SP140: variants seen among roughly 807,000 people sequenced by gnomAD.
SP140 encodes nuclear body protein SP140.
Under a neutral mutation model 125.0 loss-of-function variants are expected in SP140, and 81 were observed. The observed-to-expected ratio is 0.65, with a 90% CI of 0.54 to 0.78. The LOEUF is 0.78. Ranked by LOEUF, SP140 falls within the 30% of genes least tolerant of loss-of-function variation. SP140 has a pLI of 0.00. For synonymous variants in SP140, 312 were observed against 354.0 expected, an observed-to-expected ratio of 0.88 and a Z score of 1.33; for missense variants, 858 against 1,037.0, an observed-to-expected ratio of 0.83 and a Z score of 2.37.
At chr2:230,195,566 G>A in the SP140 span, among the ~76,000 whole-genome samples, 2 of 152,138 alleles carry the variant, frequency 1.3e-5, no homozygotes, top group African/African-American at 2.4e-5. Context: ...CTGGACTCAA[G>A]TGAACCTCCT....
rs116552434 is a variant in SP140 at position 230,298,485 on chromosome 2, A to G, written c.2058+1023A>G. Among the ~76,000 whole-genome samples, 113 of 152,304 alleles carry G rather than the reference A, an allele frequency of 7.4e-4. 1 individual carries two copies. The highest frequency in any genetic ancestry group is 2.5e-3 in the African/African-American group (103 of 41,576). On this transcript the variant is annotated intron_variant, in intron 22 of 26. Coordinates refer to ENST00000392045, the MANE Select transcript of SP140 (RefSeq NM_007237.5). ...CAACTGAGGGACTTTTCAATAATTA[A>G]AACAGCCCTGGAAGTCAGTGTTTGT...
At chr2:230,195,958 G>A in the SP140 span, among the ~76,000 whole-genome samples, 1 of 152,066 alleles carries the variant, frequency 6.6e-6, no homozygotes, top group African/African-American at 2.4e-5. Flanking sequence ...AAATGCTCAA[G>A]GAGGAAATGA....
intron 9 of SP140, among the ~76,000 whole-genome samples, chr2:230,250,530 C>G (rs73104240): frequency 0.011 from 1,616 of 152,244 alleles, 45 homozygotes; most frequent in African/African-American, 0.037. Context: ...CCCAAGGATG[C>G]CTTTCCTGAT....
chr2:230,250,876 G>A, intron 9 of SP140, 105 bp from the exon 10 acceptor site: 1 of 1,252,512 alleles, frequency 8.0e-7, no homozygotes, highest in Non-Finnish European at 1.1e-6. Context: ...CAGGCCAGGA[G>A]GGCCTGGGTG....
chr2:230,207,428 T>A (rs2043991963), intron 1 of SP140, among the ~76,000 whole-genome samples: 1 of 152,176 alleles, frequency 6.6e-6, no homozygotes, highest in African/African-American at 2.4e-5. Context: ...GAGATACCAA[T>A]GCAAGTGGAG....
the SP140 span, among the ~76,000 whole-genome samples, chr2:230,195,997 C>A: frequency 1.2e-4 from 18 of 152,144 alleles, no homozygotes; most frequent in African/African-American, 4.3e-4. Flanking sequence ...GAAATCATCT[C>A]TATATTACTA....
At chr2:230,263,058 T>C (rs942834181) in intron 12 of SP140, among the ~76,000 whole-genome samples, 11 of 152,248 alleles carry the variant, frequency 7.2e-5, no homozygotes, top group African/African-American at 2.7e-4. Flanking sequence ...CAGTGGAGTA[T>C]TGAAGTTCTC....
the SP140 span, among the ~76,000 whole-genome samples, chr2:230,190,593 G>T: frequency 0.76 from 115,873 of 151,756 alleles, 44,353 homozygotes; most frequent in Admixed American, 0.83. Context: ...GGCTTTTGTT[G>T]TAATAGCTTT....
chr2:230,265,873 G>A (rs1179386017), intron 12 of SP140, among the ~76,000 whole-genome samples: 1 of 151,950 alleles, frequency 6.6e-6, no homozygotes, highest in Admixed American at 6.6e-5. Context: ...CACGAACCAT[G>A]GCCTATTTTT....
At chr2:230,229,384 T>C (rs2046908944) in intron 1 of SP140, among the ~76,000 whole-genome samples, 1 of 151,620 alleles carries the variant, frequency 6.6e-6, no homozygotes, top group Non-Finnish European at 1.5e-5. Context: ...ATTTCTTCTC[T>C]GGTGCTCTTT....
Position 230,305,548 on chromosome 2 carries a change from G to A in SP140, c.2059-4376G>A, listed in dbSNP as rs149302968. On this transcript the variant is annotated intron_variant, in intron 22 of 26. Transcript: ENST00000392045. ...CCCTGGGAGCCTTCCTCTGGGAGCC[G>A]CTGCAATGGGGCTAGGCCCAGCTGC... Among the ~76,000 whole-genome samples the A allele has an allele frequency of 2.7e-4, 41 of 152,356 alleles. 1 individual carries two copies. The East Asian group carries it at 4.8e-3, about 18-fold the overall frequency.
chr2:230,304,331 T>C (rs1039648597), intron 22 of SP140, among the ~76,000 whole-genome samples: 3 of 152,046 alleles, frequency 2.0e-5, no homozygotes, highest in African/African-American at 7.2e-5. Flanking sequence ...ATATGGCCAA[T>C]AGCAATCTGG....
chr2:230,288,134 A>G, intron 18 of SP140, 168 bp downstream of exon 18: 1 of 624,264 alleles, frequency 1.6e-6, no homozygotes, highest in South Asian at 2.7e-5. Context: ...TCAAGGAAAG[A>G]AGGAAGTAAG....
rs1421635777 is a variant in SP140, at chr2:230,237,288, A to G, written c.237+28A>G. The G allele has an allele frequency of 1.3e-5, 21 of 1,601,606 alleles. No individual in the cohort carries two copies. The highest frequency in any genetic ancestry group is 3.4e-5 in the Admixed American group (2 of 58,240). On this transcript the variant is annotated intron_variant, in intron 2 of 26. Coordinates refer to ENST00000392045, the MANE Select transcript of SP140 (RefSeq NM_007237.5). The surrounding 1 kb of genome is among the most constrained non-coding windows in gnomAD (Gnocchi z 5.4). ...AAGTAAGAATTTCCAAATGATGATA[A>G]ACCAGGTCCATACTCAATTATGCCA...
chr2:230,228,728 G>T (rs1026954482), intron 1 of SP140, among the ~76,000 whole-genome samples: 1 of 152,042 alleles, frequency 6.6e-6, no homozygotes, highest in African/African-American at 2.4e-5. Flanking sequence ...TTTGATTAGT[G>T]TTGGCATGGT....
chr2:230,315,581 G>T (rs1477569389), downstream of SP140, among the ~76,000 whole-genome samples: 1 of 152,034 alleles, frequency 6.6e-6, no homozygotes, highest in Non-Finnish European at 1.5e-5. Context: ...CGTAGCAATT[G>T]GCTGACCCGG....
At chr2:230,293,920 ATG>A (rs2057405452) in intron 20 of SP140, among the ~76,000 whole-genome samples, 1 of 152,154 alleles carries the variant, frequency 6.6e-6, no homozygotes, top group Admixed American at 6.5e-5. Flanking sequence ...GTAGCAGGCA[ATG>A]TGTGTGCTGC....
At position 230,237,050 on chromosome 2, in the gene SP140, T is replaced by C. The variant is rs772154146; in HGVS notation, c.60-33T>C. On this transcript the variant is annotated intron_variant, in intron 1 of 26. Transcript: ENST00000392045. The surrounding 1 kb of genome is among the most constrained non-coding windows in gnomAD (Gnocchi z 5.4). ...CACCACAAACCTCTTGGAAACTCAG[T>C]GTCTACTTCCACGTTGTATCTTTGT... The C allele has an allele frequency of 1.5e-5, 23 of 1,515,346 alleles. 1 individual carries two copies. The highest frequency in any genetic ancestry group is 5.4e-5 in the South Asian group (4 of 74,184). The allele number at this position is 1,515,346 out of a possible 1,614,324, so 93.9% of individuals were successfully genotyped here.
the SP140 span, among the ~76,000 whole-genome samples, chr2:230,197,387 G>T: frequency 1.1e-4 from 17 of 151,498 alleles, no homozygotes; most frequent in African/African-American, 4.1e-4. Flanking sequence ...TTTTGATGGG[G>T]TTGTTTGTTT....
Sources: gnomAD v4.1 joint callset for allele counts (sites outside exome capture counted in the v4.1 genomes callset) on GRCh38, gnomAD v4.1.1 for gene constraint, Gnocchi (gnomAD v3.1) non-coding constraint, MANE v1.5 for transcripts, NCBI Gene and HGNC (gene_info 2026-07-23, HGNC 2026-07-21) for gene names.